ROBO1: variants seen among roughly 807,000 people sequenced by gnomAD.
ROBO1 encodes the protein roundabout guidance receptor 1, also known as roundabout homolog 1.
A neutral mutation model predicts 195.9 loss-of-function variants in ROBO1; 149 were observed. The observed-to-expected ratio is 0.76, with a 90% confidence interval of 0.67 to 0.87. ROBO1 has a LOEUF of 0.87. Among genes scored for constraint, ROBO1 ranks in the 40% least tolerant of loss-of-function variants. The pLI, the probability that ROBO1 is intolerant of heterozygous loss-of-function variation, is 0.00. For synonymous variants in ROBO1, 816 were observed against 733.2 expected, an observed-to-expected ratio of 1.11 and a Z score of -1.82; for missense variants, 1,933 against 2,068.3, an observed-to-expected ratio of 0.93 and a Z score of 1.27.
At chr3:79,211,525 A>G (rs1176430327) in intron 2 of ROBO1, among the ~76,000 whole-genome samples, 1 of 152,098 alleles carries the variant, frequency 6.6e-6, no homozygotes, top group East Asian at 1.9e-4. Flanking sequence ...TGAACAGCAG[A>G]GTAGGTAATT....
At chr3:78,602,371 G>A (rs1299344413) in intron 29 of ROBO1, among the ~76,000 whole-genome samples, 1 of 152,130 alleles carries the variant, frequency 6.6e-6, no homozygotes, top group African/African-American at 2.4e-5. Context: ...TAAGCTTCCT[G>A]AGGTCTCCTC....
intron 2 of ROBO1, among the ~76,000 whole-genome samples, chr3:79,583,047 A>G (rs1943709095): frequency 6.6e-6 from 1 of 152,010 alleles, no homozygotes; most frequent in Admixed American, 6.6e-5. Context: ...GTTCTAGTGC[A>G]CATTTGGCAA....
Position 79,212,774 on chromosome 3 carries a change from C to T in ROBO1, c.89-87235G>A, listed in dbSNP as rs138504119. On this transcript the variant is annotated intron_variant, in intron 2 of 30. Coordinates refer to ENST00000464233, the MANE Select transcript of ROBO1 (RefSeq NM_002941.4). The stretch of plus-strand genomic sequence containing the variant: ...GGCAGAGGCTGCAATGACCTAAGAT[C>T]TCACCACTGCACTCTAGCCTGGACA... Among the ~76,000 whole-genome samples, 423 of 151,738 alleles carry T rather than the reference C, an allele frequency of 2.8e-3. 5 individuals are homozygous for T. The highest frequency in any genetic ancestry group is 9.9e-3 in the African/African-American group (410 of 41,372).
At chr3:78,627,225 G>T in intron 26 of ROBO1, 96 bp downstream of exon 26, 1 of 1,375,010 alleles carries the variant, frequency 7.3e-7, no homozygotes, top group Non-Finnish European at 9.9e-7. Flanking sequence ...AGGCTTATGA[G>T]ACAAGAAAAT....
intron 2 of ROBO1, among the ~76,000 whole-genome samples, chr3:79,442,746 T>A (rs1161298632): frequency 1.3e-5 from 2 of 152,164 alleles, no homozygotes; most frequent in Admixed American, 1.3e-4. Context: ...TTCAAAACTT[T>A]CACTAACACC....
In ROBO1 at chr3:78,963,042, T is replaced by C. The variant is rs144804064; in HGVS notation, c.173-24115A>G. Reference sequence around the variant, plus strand: ...CGGTGTTGAGCATGGAGTATCTTAGTATCTTCCAGGTAAGTACTGGGCATT... The same window carrying C: ...CGGTGTTGAGCATGGAGTATCTTAGCATCTTCCAGGTAAGTACTGGGCATT... On this transcript the variant is annotated intron_variant, in intron 3 of 30. Coordinates refer to ENST00000464233, the MANE Select transcript of ROBO1 (RefSeq NM_002941.4). 2.5e-3 allele frequency among the ~76,000 whole-genome samples: 375 copies of C among 151,698 alleles called. 1 individual carries two copies. Among genetic ancestry groups the C allele is most frequent in the African/African-American group, 5.7e-3 (235 of 41,366 alleles).
At chr3:79,237,350 C>T (rs1380485963) in intron 2 of ROBO1, among the ~76,000 whole-genome samples, 1 of 151,758 alleles carries the variant, frequency 6.6e-6, no homozygotes, top group Admixed American at 6.6e-5. Context: ...GGCGTGGTGG[C>T]GGCGCCTGTA....
At chr3:78,769,760 G>T (rs758979688) in intron 4 of ROBO1, among the ~76,000 whole-genome samples, 2 of 151,708 alleles carry the variant, frequency 1.3e-5, no homozygotes, top group Non-Finnish European at 2.9e-5. Context: ...AGTTTTCATA[G>T]TGGTGGTTTG....
At chr3:78,630,310 A>T (rs991450528) in intron 25 of ROBO1, among the ~76,000 whole-genome samples, 13 of 152,166 alleles carry the variant, frequency 8.5e-5, no homozygotes, top group Non-Finnish European at 1.9e-4. Context: ...AAAACACATA[A>T]ATATTGTGGA....
intron 3 of ROBO1, among the ~76,000 whole-genome samples, chr3:79,081,069 TATAGTGTG>T (rs2079264558): frequency 6.6e-6 from 1 of 152,066 alleles, no homozygotes; most frequent in South Asian, 2.1e-4. Context: ...AAAATCGACT[TATAGTGTG>T]CCCAAACGCT....
chr3:79,153,970 C>T lies in ROBO1; in HGVS notation c.89-28431G>A, dbSNP rs116077825. On this transcript the variant is annotated intron_variant, in intron 2 of 30. Coordinates refer to ENST00000464233, the MANE Select transcript of ROBO1 (RefSeq NM_002941.4). ...AGTATCTGCTCCTTAGTGAGGCTGT[C>T]GCTAAATACCCACTCTTAGTAGCAC... Among the ~76,000 whole-genome samples the T allele has an allele frequency of 2.7e-3, 402 of 151,590 alleles. 4 individuals are homozygous for T. Among genetic ancestry groups the T allele is most frequent in the African/African-American group, 9.4e-3 (390 of 41,438 alleles).
chr3:79,196,404 A>G (rs2081637378), intron 2 of ROBO1, among the ~76,000 whole-genome samples: 1 of 150,978 alleles, frequency 6.6e-6, no homozygotes, highest in Non-Finnish European at 1.5e-5. Context: ...GGAGAGAGAA[A>G]GAAAGAAAGA....
chr3:79,243,478 C>T (rs1385735156), intron 2 of ROBO1, among the ~76,000 whole-genome samples: 3 of 152,230 alleles, frequency 2.0e-5, no homozygotes, highest in East Asian at 3.9e-4. Flanking sequence ...TATTTCTCCA[C>T]ATCCTCTCCA....
intron 2 of ROBO1, among the ~76,000 whole-genome samples, chr3:79,547,356 C>A (rs768481983): frequency 1.1e-4 from 16 of 151,866 alleles, no homozygotes; most frequent in Non-Finnish European, 1.9e-4. Flanking sequence ...GAGGAGTCTG[C>A]AGATTTTATA....
intron 3 of ROBO1, among the ~76,000 whole-genome samples, chr3:79,093,333 T>C (rs554829305): frequency 6.6e-6 from 1 of 152,108 alleles, no homozygotes; most frequent in South Asian, 2.1e-4. Flanking sequence ...AACTTGGGAG[T>C]TCCTTGAGTT....
At chr3:79,113,947 T>C (rs2079941837) in intron 3 of ROBO1, among the ~76,000 whole-genome samples, 1 of 152,286 alleles carries the variant, frequency 6.6e-6, no homozygotes, top group South Asian at 2.1e-4. Context: ...ATAATCCGCA[T>C]GTGTCAAGGG....
intron 2 of ROBO1, among the ~76,000 whole-genome samples, chr3:79,393,536 C>T (rs1291245948): frequency 1.3e-5 from 2 of 152,142 alleles, no homozygotes; most frequent in Non-Finnish European, 2.9e-5. Context: ...TCTGATTCCA[C>T]ATCCTGGAAT....
intron 16 of ROBO1, chr3:78,660,789 A>G (rs1707345059): frequency 2.8e-6 from 1 of 361,886 alleles, no homozygotes; most frequent in Non-Finnish European, 4.9e-6. Flanking sequence ...TATGCCATTA[A>G]GTAATATAAT....
chr3:78,816,904 A>G (rs2030051606), intron 4 of ROBO1, among the ~76,000 whole-genome samples: 1 of 151,908 alleles, frequency 6.6e-6, no homozygotes, highest in Non-Finnish European at 1.5e-5. Context: ...TGAAATGGCC[A>G]CAAAGGATTA....
Sources: allele counts gnomAD v4.1 joint callset (sites outside exome capture counted in the v4.1 genomes callset), GRCh38; gene constraint gnomAD v4.1.1; transcripts MANE v1.5; gene names NCBI Gene and HGNC (gene_info 2026-07-23, HGNC 2026-07-21).